SRGAP1: variants seen among roughly 807,000 people sequenced by gnomAD.
SRGAP1 encodes SLIT-ROBO Rho GTPase-activating protein 1.
Under a neutral mutation model 121.9 loss-of-function variants are expected in SRGAP1, and 43 were observed. The ratio of observed to expected loss-of-function variants is 0.35; its 90% CI spans 0.28 to 0.46. The LOEUF is 0.46. Among genes scored for constraint, SRGAP1 ranks in the 20% least tolerant of loss-of-function variants. The probability of loss-of-function intolerance (pLI) is 1.00; values close to 1 mark genes in which losing one functional copy is unlikely to be tolerated. For synonymous variants in SRGAP1, 447 were observed against 485.4 expected (o/e 0.92, Z 1.04); for missense variants, 1,102 against 1,350.9 (o/e 0.82, Z 2.89).
At chr12:63,991,162 T>TC (rs1593011812) in intron 3 of SRGAP1, among the ~76,000 whole-genome samples, 1 of 152,190 alleles carries the variant, frequency 6.6e-6, no homozygotes, top group African/African-American at 2.4e-5. Flanking sequence ...ATGAGAGTTT[T>TC]CCCCCACTCT....
intron 1 of SRGAP1, among the ~76,000 whole-genome samples, chr12:63,852,112 C>T (rs1307045513): frequency 1.3e-5 from 2 of 152,152 alleles, no homozygotes; most frequent in Non-Finnish European, 2.9e-5. Context: ...GCCACCTCAG[C>T]CTCCTGTGTA....
At chr12:64,079,795 C>A (rs2035803383) in intron 9 of SRGAP1, among the ~76,000 whole-genome samples, 1 of 152,064 alleles carries the variant, frequency 6.6e-6, no homozygotes, top group African/African-American at 2.4e-5. Flanking sequence ...CAGAAGGAAC[C>A]TGAGAGTGTG....
intron 1 of SRGAP1, among the ~76,000 whole-genome samples, chr12:63,929,773 T>A (rs1244518028): frequency 6.6e-6 from 1 of 152,204 alleles, no homozygotes; most frequent in Non-Finnish European, 1.5e-5. Context: ...ACTGTTCTTT[T>A]CAGAATTGTG....
At chr12:64,132,423 C>T (rs1449609120) in intron 21 of SRGAP1, among the ~76,000 whole-genome samples, 1 of 152,190 alleles carries the variant, frequency 6.6e-6, no homozygotes, top group Non-Finnish European at 1.5e-5. Context: ...AACTGGCAGC[C>T]TTTTGAGTCA....
At chr12:63,869,085 G>A (rs940180083) in intron 1 of SRGAP1, among the ~76,000 whole-genome samples, 4 of 152,156 alleles carry the variant, frequency 2.6e-5, no homozygotes, top group African/African-American at 7.2e-5. Context: ...TATATGTATC[G>A]TGTTAAGACA....
intron 1 of SRGAP1, among the ~76,000 whole-genome samples, chr12:63,971,444 C>T (rs1592993816): frequency 6.6e-6 from 1 of 152,096 alleles, no homozygotes; most frequent in East Asian, 1.9e-4. Flanking sequence ...TTTACTTGTT[C>T]CTTGTTGACT....
chr12:64,124,416 G>A (rs775797212), intron 18 of SRGAP1, among the ~76,000 whole-genome samples: 3 of 152,222 alleles, frequency 2.0e-5, no homozygotes, highest in Non-Finnish European at 2.9e-5. Flanking sequence ...CTGTGTACAC[G>A]TATTCTAGAG....
chr12:63,904,486 A>G (rs2030103093), intron 1 of SRGAP1, among the ~76,000 whole-genome samples: 1 of 152,212 alleles, frequency 6.6e-6, no homozygotes, highest in Admixed American at 6.5e-5. Context: ...AAAAGGATTA[A>G]ATAACTAGGT....
At chr12:64,102,655 A>G (rs1420803973) in intron 15 of SRGAP1, among the ~76,000 whole-genome samples, 4 of 152,188 alleles carry the variant, frequency 2.6e-5, no homozygotes, top group African/African-American at 7.2e-5. Flanking sequence ...TTTCATATGA[A>G]TAGAATTATA....
intron 6 of SRGAP1, among the ~76,000 whole-genome samples, chr12:64,057,397 G>C (rs1009990661): frequency 6.6e-6 from 1 of 152,170 alleles, no homozygotes; most frequent in African/African-American, 2.4e-5. Flanking sequence ...GTTCAGTCCT[G>C]CAAGATGCCT....
chr12:63,922,357 A>G (rs565865820), intron 1 of SRGAP1, among the ~76,000 whole-genome samples: 32 of 152,318 alleles, frequency 2.1e-4, no homozygotes, highest in African/African-American at 7.0e-4. Flanking sequence ...CTCTAATTCA[A>G]CTGATGTCCA....
chr12:64,012,905 A>G (rs967315700), intron 3 of SRGAP1, among the ~76,000 whole-genome samples: 2 of 150,688 alleles, frequency 1.3e-5, no homozygotes. Context: ...CCTATTAAAT[A>G]TTTTTTTTTC....
chr12:64,151,261 A>G lies in SRGAP1; in HGVS notation c.*8589A>G, dbSNP rs967978735. On this transcript the variant is annotated 3_prime_UTR_variant, in exon 22 of 22. Transcript: ENST00000355086. ...AGAGTCAAACTCATATTCTGTATAT[A>G]ATTGTATATACATTGGGTTTTTCTC... 3.3e-5 allele frequency: 5 copies of G among 152,156 alleles called. No homozygotes were observed. Among genetic ancestry groups the G allele is most frequent in the African/African-American group, 1.2e-4 (5 of 41,442 alleles). The allele number at this position is 152,156 out of a possible 1,614,324, so 9.4% of individuals were successfully genotyped here.
At chr12:63,898,792 C>T (rs1057091390) in intron 1 of SRGAP1, among the ~76,000 whole-genome samples, 3 of 152,090 alleles carry the variant, frequency 2.0e-5, no homozygotes, top group Non-Finnish European at 4.4e-5. Context: ...TTTAAAAAGA[C>T]AGAAAACATT....
intron 5 of SRGAP1, 138 bp downstream of exon 5, chr12:64,043,110 T>C: frequency 1.5e-6 from 1 of 685,518 alleles, no homozygotes; most frequent in Non-Finnish European, 2.4e-6. Context: ...ATGAGAAATG[T>C]TTAGGAAATA....
At chr12:63,852,490 A>G (rs758379814) in intron 1 of SRGAP1, among the ~76,000 whole-genome samples, 5 of 152,216 alleles carry the variant, frequency 3.3e-5, no homozygotes, top group Non-Finnish European at 5.9e-5. Flanking sequence ...AGAATAGACA[A>G]TGCATACAGA....
intron 1 of SRGAP1, among the ~76,000 whole-genome samples, chr12:63,908,281 T>C (rs1447672619): frequency 6.6e-6 from 1 of 152,224 alleles, no homozygotes; most frequent in African/African-American, 2.4e-5. Flanking sequence ...TTGCGTTGAA[T>C]CTATACATCA....
intron 3 of SRGAP1, among the ~76,000 whole-genome samples, chr12:63,999,070 T>A (rs2033800559): frequency 6.6e-6 from 1 of 152,108 alleles, no homozygotes; most frequent in Admixed American, 6.5e-5. Flanking sequence ...TGAGGAAAGC[T>A]GCAATTTGAA....
At chr12:64,074,063 C>T (rs933452739) in intron 8 of SRGAP1, among the ~76,000 whole-genome samples, 1 of 152,166 alleles carries the variant, frequency 6.6e-6, no homozygotes, top group Non-Finnish European at 1.5e-5. Context: ...CTGCTCTGCC[C>T]TCCAGAGCAA....
Sources: gnomAD v4.1 joint callset for allele counts (sites outside exome capture counted in the v4.1 genomes callset) on GRCh38, gnomAD v4.1.1 for gene constraint, MANE v1.5 for transcripts, NCBI Gene and HGNC (gene_info 2026-07-23, HGNC 2026-07-21) for gene names.